Variants in SMIM7 observed in about 807,000 individuals in gnomAD.
SMIM7 encodes small integral membrane protein 7.
A neutral mutation model predicts 13.3 loss-of-function variants in SMIM7; 12 were observed. That is an observed-to-expected ratio of 0.90 (90% CI 0.58 to 1.46). SMIM7 has a LOEUF of 1.46. Ranked by LOEUF, SMIM7 falls within the 40% of genes most tolerant of loss-of-function variation. The pLI, the probability that SMIM7 is intolerant of heterozygous loss-of-function variation, is 0.00. For synonymous variants in SMIM7, 36 were observed against 35.8 expected (o/e 1.01, Z -0.02); for missense variants, 114 against 94.8 (o/e 1.20, Z -0.84).
intron 2 of SMIM7, 125 bp downstream of exon 2, chr19:16,659,834 G>T: frequency 7.6e-7 from 1 of 1,308,580 alleles, no homozygotes; most frequent in Non-Finnish European, 1.1e-6. Context: ...GGCGTGCCCA[G>T]AGGGCGGATA....
chr19:16,631,115 T>C (rs2086318634), exon 5 of SMIM7: 1 of 152,180 alleles, frequency 6.6e-6, no homozygotes, highest in African/African-American at 2.4e-5. Context: ...CTGGGTGCAG[T>C]GGCTCACATC....
chr19:16,639,397 C>T (rs539188305), intron 4 of SMIM7, among the ~76,000 whole-genome samples: 2 of 152,272 alleles, frequency 1.3e-5, no homozygotes, highest in South Asian at 4.1e-4. Context: ...GCTGGGATTA[C>T]AGGCGTGAGC....
intron 2 of SMIM7, chr19:16,659,733 G>A (rs1238338633): frequency 3.0e-6 from 2 of 670,846 alleles, no homozygotes; most frequent in African/African-American, 1.8e-5. Context: ...AAGCTCTCCA[G>A]GAAGGTGAAC....
chr19:16,647,102 G>T lies in SMIM7; in HGVS notation c.*144C>A. ...GCTGGGAAACCATGCACACCTCGGC[G>T]AACACTTTTCCACCCACCACGAGCT... On this transcript the variant is annotated 3_prime_UTR_variant, in exon 5 of 5. Transcript: ENST00000487416. The T allele has an allele frequency of 1.9e-6, 2 of 1,046,124 alleles. No individual in the cohort carries two copies. Among genetic ancestry groups the T allele is most frequent in the Non-Finnish European group, 2.9e-6 (2 of 686,690 alleles). 64.8% of individuals were successfully genotyped at this position (1,046,124 alleles called of 1,614,324 possible).
chr19:16,656,907 AAAC>A (rs948094797), intron 3 of SMIM7, among the ~76,000 whole-genome samples: 2 of 151,982 alleles, frequency 1.3e-5, no homozygotes, highest in African/African-American at 4.8e-5. Context: ...TCAAAAAAAA[AAAC>A]AACAAAAAAA....
exon 5 of SMIM7, chr19:16,630,825 G>A (rs1479715620): frequency 6.6e-6 from 1 of 152,242 alleles, no homozygotes; most frequent in Non-Finnish European, 1.5e-5. Flanking sequence ...GACAGCCTCT[G>A]AATTGTAGTC....
chr19:16,654,425 G>A (rs539828742), intron 3 of SMIM7, among the ~76,000 whole-genome samples: 1 of 152,318 alleles, frequency 6.6e-6, no homozygotes, highest in East Asian at 1.9e-4. Flanking sequence ...TACTGGGAAA[G>A]AGATACCTTC....
chr19:16,658,419 T>A (rs2086624440), intron 3 of SMIM7, among the ~76,000 whole-genome samples: 1 of 152,160 alleles, frequency 6.6e-6, no homozygotes, highest in Non-Finnish European at 1.5e-5. Flanking sequence ...AGTTACACAA[T>A]CAAATTCAGC....
At chr19:16,655,893 G>A (rs16981369) in intron 3 of SMIM7, among the ~76,000 whole-genome samples, 16,260 of 151,972 alleles carry the variant, frequency 0.11, 1,189 homozygotes, top group African/African-American at 0.21. Flanking sequence ...CGGTTTAGAC[G>A]AGCCTAGTAT....
rs558413737 is a variant in SMIM7, at chr19:16,659,472, C to T, written c.69-25G>A. 10 of 1,608,830 alleles carry T rather than the reference C, an allele frequency of 6.2e-6. No individual in the cohort carries two copies. In the South Asian group the frequency reaches 8.9e-5, roughly 14 times the overall value. On this transcript the variant is annotated intron_variant, in intron 2 of 4. Coordinates refer to ENST00000487416, the MANE Select transcript of SMIM7 (RefSeq NM_024104.4). ...CCTACAAAGAGGAGCAGACAGTGTC[C>T]ACTTTCAATGGGACATAGAGTCCTC...
chr19:16,654,890 C>T (rs2086576381), intron 3 of SMIM7, among the ~76,000 whole-genome samples: 1 of 151,376 alleles, frequency 6.6e-6, no homozygotes, highest in Non-Finnish European at 1.5e-5. Context: ...CCGCAAAGCC[C>T]TCAGATATTT....
intron 4 of SMIM7, among the ~76,000 whole-genome samples, chr19:16,633,559 ATGT>A (rs1011820113): frequency 6.6e-6 from 1 of 151,416 alleles, no homozygotes; most frequent in Non-Finnish European, 1.5e-5. Context: ...TGTGTGTGTG[ATGT>A]TGTCACTAAG....
At chr19:16,643,280 T>C (rs971347573), downstream of SMIM7, among the ~76,000 whole-genome samples, 13 of 152,084 alleles carry the variant, frequency 8.5e-5, no homozygotes, top group South Asian at 2.1e-4. Context: ...AGAAGAAAGG[T>C]TGGAAGAATA....
chr19:16,659,950 C>CCTA lies in SMIM7; in HGVS notation c.68+6_68+8dup, dbSNP rs3833228. On this transcript the variant is annotated intron_variant, in intron 2 of 4. Coordinates refer to ENST00000487416, the MANE Select transcript of SMIM7 (RefSeq NM_024104.4). ...GGATGGAGCCGCAGTCCGGCCGCGA[C>CCTA]CTACTCACAGCTTAAAGTTCAGCAC... 23,801 of 1,610,468 alleles carry CCTA rather than the reference C, an allele frequency of 0.015. 1,127 individuals are homozygous for CCTA. In the Admixed American group the frequency reaches 0.16, roughly 11 times the overall value.
chr19:16,651,216 A>G (rs2086520330), intron 4 of SMIM7, among the ~76,000 whole-genome samples: 1 of 152,184 alleles, frequency 6.6e-6, no homozygotes, highest in African/African-American at 2.4e-5. Flanking sequence ...AGAGGTTGGC[A>G]CATTTTCTCT....
intron 4 of SMIM7, among the ~76,000 whole-genome samples, chr19:16,638,308 T>C (rs866668174): frequency 1.1e-4 from 15 of 134,204 alleles, no homozygotes; most frequent in South Asian, 7.8e-4. Flanking sequence ...TTTCTTTTTT[T>C]TTTTTTTTTT....
At chr19:16,641,923 T>C (rs997938685), downstream of SMIM7, among the ~76,000 whole-genome samples, 7 of 152,208 alleles carry the variant, frequency 4.6e-5, no homozygotes, top group African/African-American at 1.4e-4. Flanking sequence ...GGGCCAGACA[T>C]GCCCTCTGGG....
chr19:16,642,016 T>C (rs1169931220), downstream of SMIM7, among the ~76,000 whole-genome samples: 1 of 152,218 alleles, frequency 6.6e-6, no homozygotes, highest in Non-Finnish European at 1.5e-5. Flanking sequence ...TCTCCTTCAA[T>C]GTGCAATGGT....
At chr19:16,636,334 A>G (rs2086361124) in intron 4 of SMIM7, 1 of 152,130 alleles carries the variant, frequency 6.6e-6, no homozygotes, top group Non-Finnish European at 1.5e-5. Flanking sequence ...ACAGAGACCC[A>G]TTCTGTACTT....
Sources: gnomAD v4.1 joint callset for allele counts (sites outside exome capture counted in the v4.1 genomes callset) on GRCh38, gnomAD v4.1.1 for gene constraint, MANE v1.5 for transcripts, NCBI Gene and HGNC (gene_info 2026-07-23, HGNC 2026-07-21) for gene names.